Variants in AGBL3 observed in about 807,000 individuals in gnomAD.
AGBL3 encodes cytosolic carboxypeptidase 3.
In AGBL3, 68 loss-of-function variants were observed where a neutral mutation model predicts 94.5. The ratio of observed to expected loss-of-function variants is 0.72; its 90% CI spans 0.59 to 0.88. The LOEUF is 0.88. Among genes scored for constraint, AGBL3 ranks in the 40% least tolerant of loss-of-function variants. AGBL3 has a pLI of 0.00. For synonymous variants in AGBL3, 354 were observed against 370.7 expected (o/e 0.95, Z 0.52); for missense variants, 934 against 1,103.8 (o/e 0.85, Z 2.18).
intron 7 of AGBL3, among the ~76,000 whole-genome samples, chr7:135,036,365 T>A (rs1220370333): frequency 1.9e-3 from 2 of 1,068 alleles, no homozygotes; most frequent in African/African-American, 2.0e-3. Flanking sequence ...GAATGTGTAA[T>A]TTTTTTTAGA....
In AGBL3 at chr7:135,135,526, A is replaced by T; in HGVS notation, c.*265A>T. ...TTATCAGCATGGAAAAAAATCTCTG[A>T]AGTTTTGATTTCTTCCAAAACTACT... On this transcript the variant is annotated 3_prime_UTR_variant, in exon 17 of 17. Coordinates refer to ENST00000436302, the MANE Select transcript of AGBL3 (RefSeq NM_178563.4). The T allele has an allele frequency of 3.8e-6, 1 of 261,496 alleles. No individual in the cohort carries two copies. The highest frequency in any genetic ancestry group is 7.1e-6 in the Non-Finnish European group (1 of 139,994). 16.2% of individuals were successfully genotyped at this position (261,496 alleles called of 1,614,324 possible).
chr7:135,071,324 T>C (rs1363620716), intron 12 of AGBL3, among the ~76,000 whole-genome samples: 3 of 151,938 alleles, frequency 2.0e-5, no homozygotes, highest in African/African-American at 4.8e-5. Context: ...ATGGCAGAAA[T>C]TACCATACTG....
intron 4 of AGBL3, among the ~76,000 whole-genome samples, chr7:134,998,470 C>T (rs6978710): frequency 0.018 from 2,792 of 152,266 alleles, 77 homozygotes; most frequent in African/African-American, 0.063. Context: ...GGCTATTTCT[C>T]CTATTTTTCA....
intron 15 of AGBL3, among the ~76,000 whole-genome samples, chr7:135,096,462 G>A (rs561780079): frequency 1.0e-4 from 15 of 150,694 alleles, no homozygotes; most frequent in African/African-American, 3.2e-4. Flanking sequence ...TTAATGACTC[G>A]TGGAAGAACA....
At position 135,008,197 on chromosome 7, in the gene AGBL3, A is replaced by T. The variant is rs1014339557; in HGVS notation, c.311-8855A>T. On this transcript the variant is annotated intron_variant, in intron 4 of 16. Transcript: ENST00000436302. ...GGCCAAAAAAAAGAAAAAAAAACTT[A>T]AGAACATATTTGAGAGCTCACAATT... 1.2e-3 allele frequency among the ~76,000 whole-genome samples: 178 copies of T among 152,146 alleles called. 3 individuals are homozygous for T. The highest frequency in any genetic ancestry group is 3.4e-4 in the Non-Finnish European group (23 of 67,908).
intron 4 of AGBL3, chr7:135,012,402 G>GT (rs1813271878): frequency 1.3e-5 from 2 of 152,260 alleles, no homozygotes; most frequent in South Asian, 4.2e-4. Context: ...TGCTTGCAAT[G>GT]TAATATTTCT....
At chr7:135,134,735 T>C in intron 16 of AGBL3, 106 bp from the exon 17 acceptor site, 3 of 1,056,790 alleles carry the variant, frequency 2.8e-6, no homozygotes, top group Non-Finnish European at 4.0e-6. Flanking sequence ...TAAGAAGTTA[T>C]GAACTTACTA....
At position 134,993,681 on chromosome 7, in the gene AGBL3, A is replaced by G; in HGVS notation, c.310+3A>G. 1 of 1,544,918 alleles carries G rather than the reference A, an allele frequency of 6.5e-7. No homozygotes were observed. On this transcript the variant is annotated splice_donor_region_variant and intron_variant, in intron 4 of 16. Coordinates refer to ENST00000436302, the MANE Select transcript of AGBL3 (RefSeq NM_178563.4). The stretch of plus-strand genomic sequence containing the variant: ...CGATGAAAAAGTCCAGCATATTGGT[A>G]TGTTTTTAGCAGTTTGGGGGATTCA...
At chr7:135,033,081 T>C (rs1424092158) in intron 6 of AGBL3, 99 bp downstream of exon 6, 4 of 1,171,428 alleles carry the variant, frequency 3.4e-6, no homozygotes, top group Non-Finnish European at 4.6e-6. Context: ...GAAACTGTAA[T>C]TCCTTGAAGT....
intron 8 of AGBL3, among the ~76,000 whole-genome samples, chr7:135,042,747 G>A (rs1042749220): frequency 6.6e-6 from 1 of 152,034 alleles, no homozygotes; most frequent in East Asian, 1.9e-4. Flanking sequence ...CCATTTCTGT[G>A]AAAAAAATAC....
intron 16 of AGBL3, chr7:135,128,331 A>G (rs1224755073): frequency 1.3e-5 from 4 of 300,092 alleles, no homozygotes; most frequent in African/African-American, 8.9e-5. Context: ...GAAAAAAAAA[A>G]ACAAAACAAC....
At chr7:135,096,151 C>A (rs1204411098) in intron 15 of AGBL3, among the ~76,000 whole-genome samples, 10 of 147,814 alleles carry the variant, frequency 6.8e-5, no homozygotes, top group Admixed American at 6.7e-5. Context: ...GACTCTCTCT[C>A]AAAAAAAAAA....
chr7:135,040,885 C>CACCACA lies in AGBL3; in HGVS notation c.1501-3140_1501-3139insACCACA, dbSNP rs60759991. Reference sequence around the variant, plus strand: ...TGATCCATGCACACACACACACACACCACACACACACACACACACAAAACT... The same window carrying CACCACA: ...TGATCCATGCACACACACACACACACACCACACACACACACACACACACACAAAACT... On this transcript the variant is annotated intron_variant, in intron 8 of 16. Transcript: ENST00000436302. Among the ~76,000 whole-genome samples the CACCACA allele has an allele frequency of 1.2e-3, 139 of 120,856 alleles. 1 individual carries two copies. The highest frequency in any genetic ancestry group is 1.0e-3 in the East Asian group (5 of 4,962). The allele number at this position is 120,856 out of a possible 152,430, so 79.3% of individuals were successfully genotyped here.
chr7:135,070,267 T>A (rs1819763728), intron 12 of AGBL3, among the ~76,000 whole-genome samples: 2 of 152,168 alleles, frequency 1.3e-5, no homozygotes, highest in African/African-American at 2.4e-5. Flanking sequence ...CAGGACCAGA[T>A]GGATTCACAG....
rs1256042106 is a variant in AGBL3 at position 135,076,488 on chromosome 7, GTTA to G, written c.1980+24_1980+26del. 6.7e-7 allele frequency: 1 copy of G among 1,498,174 alleles called. No homozygotes were observed. Among genetic ancestry groups the G allele is most frequent in the Non-Finnish European group, 9.1e-7 (1 of 1,103,496 alleles). 92.8% of individuals were successfully genotyped at this position (1,498,174 alleles called of 1,614,324 possible). ...CAAGAGGTAAATCTTCATTAATCTA[GTTA>G]TTAAGGTTTTTTTAAATGAATGAAA... is the stretch of plus-strand genomic sequence containing the variant. On this transcript the variant is annotated intron_variant, in intron 13 of 16. Transcript: ENST00000436302.
intron 16 of AGBL3, among the ~76,000 whole-genome samples, chr7:135,118,631 T>C (rs1826661534): frequency 6.6e-6 from 1 of 152,206 alleles, no homozygotes; most frequent in Non-Finnish European, 1.5e-5. Context: ...AATAAATTCT[T>C]GTACCAAGAA....
chr7:135,088,996 C>A (rs1208426354), intron 15 of AGBL3, among the ~76,000 whole-genome samples: 2 of 151,966 alleles, frequency 1.3e-5, no homozygotes, highest in Non-Finnish European at 2.9e-5. Context: ...TTCTCTAACT[C>A]CCATGATATG....
Position 134,988,000 on chromosome 7 carries a change from T to A in AGBL3, c.63+4T>A, listed in dbSNP as rs1265656517. 1 of 1,535,836 alleles carries A rather than the reference T, an allele frequency of 6.5e-7. No homozygotes were observed. Among genetic ancestry groups the A allele is most frequent in the Non-Finnish European group, 8.8e-7 (1 of 1,139,950 alleles). On this transcript the variant is annotated splice_donor_region_variant and intron_variant, in intron 2 of 16. Coordinates refer to ENST00000436302, the MANE Select transcript of AGBL3 (RefSeq NM_178563.4). ...AATCAGTGATGAAGATGAATCGGTA[T>A]GTTTTTCTCAACTTTATTTTACTTG...
At chr7:135,015,007 C>T (rs995984741) in intron 4 of AGBL3, among the ~76,000 whole-genome samples, 1 of 152,192 alleles carries the variant, frequency 6.6e-6, no homozygotes, top group African/African-American at 2.4e-5. Flanking sequence ...GAACAGCAGA[C>T]ATCAACAAGG....
Sources: allele counts gnomAD v4.1 joint callset (sites outside exome capture counted in the v4.1 genomes callset), GRCh38; gene constraint gnomAD v4.1.1; transcripts MANE v1.5; gene names NCBI Gene and HGNC (gene_info 2026-07-23, HGNC 2026-07-21).